The following C6orf52 variants were observed in gnomAD, a reference collection of about 807,000 sequenced individuals.
C6orf52 encodes putative uncharacterized protein C6orf52.
In C6orf52, 16 loss-of-function variants were observed where a neutral mutation model predicts 16.6. That is an observed-to-expected ratio of 0.96 (90% CI 0.65 to 1.46). C6orf52 has a LOEUF of 1.46. Among genes scored for constraint, C6orf52 ranks in the 40% most tolerant of loss-of-function variants. The pLI is 0.00. For missense variants in C6orf52, 166 were observed against 182.3 expected (o/e 0.91, Z 0.52); for synonymous variants, 53 against 61.4 (o/e 0.86, Z 0.64).
Position 10,694,596 on chromosome 6 carries a change from C to T in C6orf52, c.-114G>A. The T allele has an allele frequency of 1.7e-5, 3 of 178,206 alleles. No individual in the cohort carries two copies. Among genetic ancestry groups the T allele is most frequent in the Admixed American group, 6.0e-5 (1 of 16,736 alleles). The allele number at this position is 178,206 out of a possible 1,614,324, so 11.0% of individuals were successfully genotyped here. ...ATGCACGCTGCCGGCGCTACAGCCC[C>T]TAAGCAACCGGCCGGAAGTCGGCCC... On this transcript the variant is annotated 5_prime_UTR_variant, in exon 1 of 5. Transcript: ENST00000259983.
intron 1 of C6orf52, among the ~76,000 whole-genome samples, chr6:10,692,810 C>T (rs1769461154): frequency 6.6e-6 from 1 of 152,128 alleles, no homozygotes; most frequent in Non-Finnish European, 1.5e-5. Flanking sequence ...AGGAGTGAGC[C>T]ACCGTGCCCA....
rs564949046 is a variant in C6orf52, at chr6:10,673,914, G to A, written c.317-2316C>T. 9.9e-5 allele frequency among the ~76,000 whole-genome samples: 15 copies of A among 152,202 alleles called. No individual in the cohort carries two copies. The South Asian group carries it at 2.9e-3, about 29-fold the overall frequency. ...TCAAAGACTTGATGTAAAAAAAGTC[G>A]TTAATTTTTATATTGATTGCATGTT... is the stretch of plus-strand genomic sequence containing the variant. On this transcript the variant is annotated intron_variant, in intron 4 of 4. Transcript: ENST00000259983.
At chr6:10,674,203 GCT>G (rs1172327288) in intron 4 of C6orf52, among the ~76,000 whole-genome samples, 1 of 151,960 alleles carries the variant, frequency 6.6e-6, no homozygotes, top group Non-Finnish European at 1.5e-5. Flanking sequence ...ATTCATGAGG[GCT>G]CTACCCTCAT....
At chr6:10,690,575 T>A (rs970878316) in intron 1 of C6orf52, among the ~76,000 whole-genome samples, 4 of 152,194 alleles carry the variant, frequency 2.6e-5, no homozygotes, top group Non-Finnish European at 5.9e-5. Context: ...TACCCCAGGA[T>A]ATCCACTTTA....
intron 4 of C6orf52, among the ~76,000 whole-genome samples, chr6:10,679,588 C>CA (rs1561871472): frequency 5.3e-5 from 7 of 131,868 alleles, no homozygotes; most frequent in African/African-American, 2.8e-4. Context: ...AAACAAAAAA[C>CA]AAAAACCATA....
chr6:10,681,706 C>G (rs12110642), intron 4 of C6orf52, among the ~76,000 whole-genome samples: 2,779 of 152,292 alleles, frequency 0.018, 71 homozygotes, highest in African/African-American at 0.052. Flanking sequence ...ATTAATTTGT[C>G]TGGAATTACA....
chr6:10,689,336 C>T (rs1401075428), intron 1 of C6orf52, among the ~76,000 whole-genome samples: 2 of 152,158 alleles, frequency 1.3e-5, no homozygotes, highest in Admixed American at 6.5e-5. Flanking sequence ...CGCTGAGGGC[C>T]GATGGTATCC....
At chr6:10,676,119 G>A (rs1767857491) in intron 4 of C6orf52, among the ~76,000 whole-genome samples, 1 of 151,986 alleles carries the variant, frequency 6.6e-6, no homozygotes, top group African/African-American at 2.4e-5. Context: ...AACAGAGTGA[G>A]ACTCACTCTC....
intron 1 of C6orf52, among the ~76,000 whole-genome samples, chr6:10,691,530 A>T (rs1020402340): frequency 5.9e-5 from 9 of 152,028 alleles, no homozygotes; most frequent in African/African-American, 2.2e-4. Flanking sequence ...TCAGGGGTCG[A>T]TCTTTACCAG....
chr6:10,682,849 T>C (rs1768521202), intron 4 of C6orf52, among the ~76,000 whole-genome samples: 1 of 152,112 alleles, frequency 6.6e-6, no homozygotes, highest in South Asian at 2.1e-4. Context: ...AGCAATCACC[T>C]CATGCTCTTC....
intron 4 of C6orf52, among the ~76,000 whole-genome samples, chr6:10,676,964 T>TA (rs1391297348): frequency 2.6e-5 from 4 of 152,250 alleles, no homozygotes; most frequent in Non-Finnish European, 5.9e-5. Context: ...CCCACTCCGT[T>TA]GTCTGTCTTC....
At chr6:10,689,596 A>C (rs571587564) in intron 1 of C6orf52, among the ~76,000 whole-genome samples, 1 of 152,336 alleles carries the variant, frequency 6.6e-6, no homozygotes. Flanking sequence ...AGTCTGGCTA[A>C]GAAGATGTAA....
intron 1 of C6orf52, among the ~76,000 whole-genome samples, chr6:10,687,935 A>T (rs1768998590): frequency 6.6e-6 from 1 of 152,188 alleles, no homozygotes; most frequent in South Asian, 2.1e-4. Context: ...TAACAGGTAA[A>T]AGAGGAAACT....
intron 1 of C6orf52, among the ~76,000 whole-genome samples, chr6:10,690,830 C>G (rs1769225123): frequency 6.6e-6 from 1 of 152,166 alleles, no homozygotes; most frequent in Non-Finnish European, 1.5e-5. Context: ...GATTAAATGG[C>G]TTTTTACATC....
chr6:10,690,525 T>G (rs886463368), intron 1 of C6orf52, among the ~76,000 whole-genome samples: 1 of 152,196 alleles, frequency 6.6e-6, no homozygotes, highest in African/African-American at 2.4e-5. Flanking sequence ...GACTCTCATA[T>G]TTCTAACAGG....
chr6:10,691,274 C>T (rs559611746), intron 1 of C6orf52, among the ~76,000 whole-genome samples: 8 of 152,256 alleles, frequency 5.3e-5, no homozygotes, highest in Admixed American at 3.3e-4. Flanking sequence ...TTTATTCGGC[C>T]GGGATCTTCG....
chr6:10,687,385 A>T (rs927458750), intron 2 of C6orf52, 95 bp downstream of exon 2: 2 of 911,980 alleles, frequency 2.2e-6, no homozygotes, highest in Non-Finnish European at 3.2e-6. Context: ...CAGAACTTTA[A>T]AAAAAAAAAA....
chr6:10,687,327 G>A (rs918385435), intron 2 of C6orf52, among the ~76,000 whole-genome samples, 153 bp downstream of exon 2: 3 of 151,898 alleles, frequency 2.0e-5, no homozygotes, highest in African/African-American at 7.3e-5. Context: ...AACCACCATG[G>A]CACGTGTATA....
At chr6:10,685,296 ATTTT>A (rs538765201) in intron 3 of C6orf52, among the ~76,000 whole-genome samples, 1 of 149,354 alleles carries the variant, frequency 6.7e-6, no homozygotes, top group Non-Finnish European at 1.5e-5. Flanking sequence ...GTAGTGAAAG[ATTTT>A]TTTTTTAAGT....
Sources: gnomAD v4.1 joint callset for allele counts (sites outside exome capture counted in the v4.1 genomes callset) on GRCh38, gnomAD v4.1.1 for gene constraint, MANE v1.5 for transcripts, NCBI Gene and HGNC (gene_info 2026-07-23, HGNC 2026-07-21) for gene names.